The following ABCC4 variants were observed in gnomAD, a reference collection of about 807,000 sequenced individuals.
ABCC4 encodes ATP binding cassette subfamily C member 4 (PEL blood group).
Under a neutral mutation model 168.5 loss-of-function variants are expected in ABCC4, and 102 were observed. The ratio of observed to expected loss-of-function variants is 0.61; its 90% CI spans 0.52 to 0.71. ABCC4 has a LOEUF of 0.71. Among genes scored for constraint, ABCC4 ranks in the 30% least tolerant of loss-of-function variants. The probability of loss-of-function intolerance (pLI) is 0.00; values close to 1 mark genes in which losing one functional copy is unlikely to be tolerated. For synonymous variants in ABCC4, 617 were observed against 590.7 expected (o/e 1.04, Z -0.65); for missense variants, 1,402 against 1,605.8 (o/e 0.87, Z 2.17).
chr13:95,301,051 G>A (rs1390713689), intron 1 of ABCC4, among the ~76,000 whole-genome samples, 190 bp downstream of exon 1: 1 of 152,062 alleles, frequency 6.6e-6, no homozygotes, highest in Non-Finnish European at 1.5e-5. Flanking sequence ...GCGCAGGCAG[G>A]GACCACGCGG....
At chr13:95,159,461 C>T (rs1321106110) in intron 19 of ABCC4, among the ~76,000 whole-genome samples, 2 of 152,006 alleles carry the variant, frequency 1.3e-5, no homozygotes, top group African/African-American at 4.8e-5. Flanking sequence ...GATTAGTCAC[C>T]TCCAAGATTT....
chr13:95,062,953 G>A (rs1398085812), intron 25 of ABCC4, 94 bp from the exon 26 acceptor site: 1 of 1,385,340 alleles, frequency 7.2e-7, no homozygotes. Context: ...TTTTGAAGAA[G>A]AATTAAGGAC....
At chr13:95,096,604 G>A (rs1363020494) in intron 20 of ABCC4, among the ~76,000 whole-genome samples, 1 of 151,904 alleles carries the variant, frequency 6.6e-6, no homozygotes, top group African/African-American at 2.4e-5. Flanking sequence ...TAATAATGAT[G>A]GTTTCTCATC....
At chr13:95,187,980 GT>G (rs1212352826) in intron 10 of ABCC4, among the ~76,000 whole-genome samples, 2 of 152,168 alleles carry the variant, frequency 1.3e-5, no homozygotes, top group Admixed American at 1.3e-4. Flanking sequence ...GATTACAGGT[GT>G]ATCTTTTACT....
At chr13:95,025,393 C>A (rs112745263) in intron 30 of ABCC4, among the ~76,000 whole-genome samples, 1 of 4,300 alleles carries the variant, frequency 2.3e-4, no homozygotes, top group Non-Finnish European at 4.8e-4. Context: ...CCTCCCACCC[C>A]CACACACATA....
At chr13:95,076,199 G>A (rs902620650) in intron 21 of ABCC4, among the ~76,000 whole-genome samples, 4 of 152,122 alleles carry the variant, frequency 2.6e-5, no homozygotes, top group Admixed American at 1.3e-4. Context: ...CCCTTGTGCC[G>A]TGCCCAAGGA....
chr13:95,241,718 T>C (rs1328813713), intron 3 of ABCC4, among the ~76,000 whole-genome samples: 1 of 151,374 alleles, frequency 6.6e-6, no homozygotes, highest in Non-Finnish European at 1.5e-5. Flanking sequence ...ATTATAATCA[T>C]TCCTCAACTC....
intron 24 of ABCC4, 114 bp downstream of exon 24, chr13:95,073,090 A>C: frequency 1.3e-6 from 1 of 766,018 alleles, no homozygotes; most frequent in East Asian, 2.9e-5. Flanking sequence ...CTTAAAAAAA[A>C]TCTGTTACCA....
chr13:95,072,204 T>A (rs1337002139), intron 24 of ABCC4, among the ~76,000 whole-genome samples: 5 of 152,320 alleles, frequency 3.3e-5, no homozygotes, highest in African/African-American at 1.2e-4. Flanking sequence ...CTCATGCCTA[T>A]AATCCCAGCA....
At chr13:95,277,785 T>C (rs944314376) in intron 1 of ABCC4, among the ~76,000 whole-genome samples, 1 of 152,064 alleles carries the variant, frequency 6.6e-6, no homozygotes, top group Non-Finnish European at 1.5e-5. Context: ...AATGACTAAG[T>C]GTGTTGCCTC....
chr13:95,190,169 A>G (rs1042772369), intron 9 of ABCC4, among the ~76,000 whole-genome samples: 9 of 151,984 alleles, frequency 5.9e-5, no homozygotes, highest in Admixed American at 1.3e-4. Flanking sequence ...ACATAGTGAG[A>G]AACCATCTCT....
At chr13:95,032,532 G>C (rs2031923486) in intron 30 of ABCC4, among the ~76,000 whole-genome samples, 1 of 152,244 alleles carries the variant, frequency 6.6e-6, no homozygotes, top group African/African-American at 2.4e-5. Flanking sequence ...ATATCCTACA[G>C]ACAGTGGCAA....
Position 95,168,278 on chromosome 13 carries a change from A to G in ABCC4, c.1825-1911T>C, listed in dbSNP as rs1320778499. 2.0e-5 allele frequency among the ~76,000 whole-genome samples: 3 copies of G among 152,176 alleles called. No individual in the cohort carries two copies. The East Asian group carries it at 5.8e-4, about 29-fold the overall frequency. On this transcript the variant is annotated intron_variant, in intron 14 of 30. Coordinates refer to ENST00000645237, the MANE Select transcript of ABCC4 (RefSeq NM_005845.5). The stretch of plus-strand genomic sequence containing the variant: ...GTCTCAGCCCTCTGCATAAGAAATT[A>G]CTTGTTTTCAAGTTTGAGGAACCCA...
chr13:95,025,588 G>A (rs1404292785), intron 30 of ABCC4, among the ~76,000 whole-genome samples: 1 of 149,932 alleles, frequency 6.7e-6, no homozygotes, highest in Admixed American at 6.7e-5. Flanking sequence ...CCAGAAACAA[G>A]GCCCTAGCCA....
intron 8 of ABCC4, among the ~76,000 whole-genome samples, chr13:95,205,270 T>C (rs950110116): frequency 1.3e-5 from 2 of 152,142 alleles, no homozygotes; most frequent in African/African-American, 4.8e-5. Flanking sequence ...CAAGATCTCA[T>C]CTTTAAAAAA....
At chr13:95,148,701 T>TCTCATTTGA (rs1248012940) in intron 19 of ABCC4, among the ~76,000 whole-genome samples, 65 of 151,884 alleles carry the variant, frequency 4.3e-4, no homozygotes, top group African/African-American at 1.5e-3. Context: ...CAAAGTTCTC[T>TCTCATTTGA]CTCATTTGAC....
intron 30 of ABCC4, among the ~76,000 whole-genome samples, chr13:95,029,213 TAGAG>T (rs1193218745): frequency 3.0e-4 from 11 of 36,878 alleles, no homozygotes; most frequent in African/African-American, 9.2e-4. Context: ...TATATATATA[TAGAG>T]AGAGAGAGAG....
chr13:95,291,972 T>A (rs2041415520), intron 1 of ABCC4, among the ~76,000 whole-genome samples: 1 of 151,786 alleles, frequency 6.6e-6, no homozygotes, highest in Admixed American at 6.6e-5. Flanking sequence ...AAGATAAACT[T>A]CTCCATGAGC....
intron 11 of ABCC4, among the ~76,000 whole-genome samples, chr13:95,184,872 A>G (rs1427730036): frequency 6.6e-6 from 1 of 152,210 alleles, no homozygotes; most frequent in Non-Finnish European, 1.5e-5. Flanking sequence ...GAAAACTAGC[A>G]AAATTTGCCA....
Sources: gnomAD v4.1 joint callset for allele counts (sites outside exome capture counted in the v4.1 genomes callset) on GRCh38, gnomAD v4.1.1 for gene constraint, MANE v1.5 for transcripts, NCBI Gene and HGNC (gene_info 2026-07-23, HGNC 2026-07-21) for gene names.